Variants in CTCF observed in about 807,000 individuals in gnomAD.
The protein encoded by CTCF is transcriptional repressor CTCF.
Under a neutral mutation model 72.3 loss-of-function variants are expected in CTCF, and 7 were observed. The ratio of observed to expected loss-of-function variants is 0.10; its 90% CI spans 0.06 to 0.18. CTCF has a LOEUF of 0.18. Ranked by LOEUF, CTCF falls within the 10% of genes least tolerant of loss-of-function variation. The pLI is 1.00. For synonymous variants in CTCF, 374 were observed against 315.8 expected (o/e 1.18, Z -1.95); for missense variants, 516 against 949.1 (o/e 0.54, Z 6.00).
rs60181073 is a variant in CTCF, at chr16:67,582,210, C to CAAAAAA, written c.-10+10958_-10+10963dup. 1.5e-4 allele frequency among the ~76,000 whole-genome samples: 14 copies of CAAAAAA among 96,136 alleles called. No homozygotes were observed. The South Asian group carries it at 1.8e-3, about 12-fold the overall frequency. 63.1% of individuals were successfully genotyped at this position (96,136 alleles called of 152,430 possible). ...TGGGCCACAGAGCAAGACTCCGTCTCAAAAAAAAAAAAAAAAATCTTCTGT... is the reference window on the plus strand; with the variant it reads ...TGGGCCACAGAGCAAGACTCCGTCTCAAAAAAAAAAAAAAAAAAAAAAATCTTCTGT... On this transcript the variant is annotated intron_variant, in intron 2 of 11. Coordinates refer to ENST00000264010, the MANE Select transcript of CTCF (RefSeq NM_006565.4).
intron 2 of CTCF, among the ~76,000 whole-genome samples, chr16:67,593,651 C>A (rs2051774759): frequency 6.6e-6 from 1 of 152,118 alleles, no homozygotes; most frequent in South Asian, 2.1e-4. Context: ...TGTGAAAGTT[C>A]ATGGGGTCTT....
intron 7 of CTCF, among the ~76,000 whole-genome samples, chr16:67,623,767 T>C (rs1278556628): frequency 6.7e-6 from 1 of 148,912 alleles, no homozygotes; most frequent in Admixed American, 6.7e-5. Context: ...AATAAAAATA[T>C]AGCCGGGCAC....
chr16:67,631,165 G>GTTTTTTTTTTTT (rs931210083), intron 10 of CTCF, among the ~76,000 whole-genome samples: 1 of 131,126 alleles, frequency 7.6e-6, no homozygotes, highest in African/African-American at 3.1e-5. Context: ...TTTTTTTTTT[G>GTTTTTTTTTTTT]TTTTTTGTTT....
intron 1 of CTCF, among the ~76,000 whole-genome samples, 167 bp downstream of exon 1, chr16:67,562,891 C>T (rs1259659021): frequency 2.0e-5 from 3 of 147,948 alleles, no homozygotes; most frequent in African/African-American, 7.3e-5. Context: ...TGCCCGTCGC[C>T]GCCGTGGCCC....
intron 2 of CTCF, among the ~76,000 whole-genome samples, chr16:67,571,849 A>G (rs191923123): frequency 1.3e-5 from 2 of 152,298 alleles, no homozygotes; most frequent in African/African-American, 2.4e-5. Context: ...AATTTTTGCT[A>G]TAAAATATAA....
intron 1 of CTCF, chr16:67,563,810 A>G (rs896817319): frequency 6.6e-5 from 10 of 152,248 alleles, no homozygotes; most frequent in African/African-American, 2.4e-4. Flanking sequence ...ACACTAACTT[A>G]GTACCTGATG....
intron 2 of CTCF, among the ~76,000 whole-genome samples, chr16:67,579,028 G>A (rs959297848): frequency 6.6e-6 from 1 of 151,566 alleles, no homozygotes; most frequent in Non-Finnish European, 1.5e-5. Context: ...GCCAAGGTGC[G>A]TGGATCACCT....
chr16:67,574,039 A>C (rs1224001163), intron 2 of CTCF, among the ~76,000 whole-genome samples: 1 of 151,948 alleles, frequency 6.6e-6, no homozygotes, highest in East Asian at 1.9e-4. Context: ...CAAAAAAAAA[A>C]AGACTTACGT....
intron 2 of CTCF, among the ~76,000 whole-genome samples, chr16:67,581,500 T>TTTTTA (rs1206246974): frequency 2.0e-5 from 3 of 151,816 alleles, no homozygotes; most frequent in African/African-American, 7.3e-5. Context: ...TTTTATTTTA[T>TTTTTA]TTTTATTTTA....
chr16:67,624,754 A>G (rs78085729), intron 7 of CTCF, among the ~76,000 whole-genome samples: 65 of 151,148 alleles, frequency 4.3e-4, no homozygotes, highest in African/African-American at 1.5e-3. Flanking sequence ...ATGACCAGCT[A>G]ATTTTTTTTT....
At chr16:67,578,495 G>A (rs1028508828) in intron 2 of CTCF, among the ~76,000 whole-genome samples, 9 of 151,692 alleles carry the variant, frequency 5.9e-5, no homozygotes, top group Non-Finnish European at 1.0e-4. Context: ...GCCATGCCCA[G>A]CGAATTTTTG....
intron 2 of CTCF, among the ~76,000 whole-genome samples, chr16:67,608,687 A>G (rs1361990452): frequency 1.3e-5 from 2 of 151,998 alleles, no homozygotes; most frequent in African/African-American, 4.8e-5. Context: ...CATGATAAAT[A>G]TTATCACCAA....
chr16:67,609,699 C>T (rs866946937), intron 2 of CTCF, among the ~76,000 whole-genome samples: 28 of 151,550 alleles, frequency 1.8e-4, no homozygotes, highest in Admixed American at 3.9e-4. Context: ...TCTTGGCTCA[C>T]TGCAAGCTCC....
In CTCF at chr16:67,601,252, G is replaced by T. The variant is rs945351668; in HGVS notation, c.-9-9572G>T. Among the ~76,000 whole-genome samples the T allele has an allele frequency of 6.3e-4, 86 of 137,032 alleles. 1 individual carries two copies. In the Middle Eastern group the frequency reaches 0.011, roughly 17 times the overall value. The allele number at this position is 137,032 out of a possible 152,430, so 89.9% of individuals were successfully genotyped here. A position where few individuals can be genotyped will look rare whatever the true frequency, so the allele number is the denominator to read the frequency against. ...TGTGTGTGTGTGTGTGTGTGTGTGT[G>T]TGTTTTGTTTTGTTTTTTAAGACAG... On this transcript the variant is annotated intron_variant, in intron 2 of 11. Transcript: ENST00000264010.
chr16:67,590,384 T>A (rs985626360), intron 2 of CTCF, among the ~76,000 whole-genome samples: 3 of 152,128 alleles, frequency 2.0e-5, no homozygotes, highest in Non-Finnish European at 4.4e-5. Flanking sequence ...GAGGGGAGAT[T>A]GTTAACAAAA....
At chr16:67,566,751 T>C (rs2051348218) in intron 1 of CTCF, among the ~76,000 whole-genome samples, 1 of 151,728 alleles carries the variant, frequency 6.6e-6, no homozygotes, top group Non-Finnish European at 1.5e-5. Flanking sequence ...GGCTAATTTT[T>C]TGTATTTTTA....
intron 2 of CTCF, among the ~76,000 whole-genome samples, chr16:67,595,229 C>T (rs2051795879): frequency 6.6e-6 from 1 of 152,136 alleles, no homozygotes; most frequent in Non-Finnish European, 1.5e-5. Flanking sequence ...CCCACCCTTC[C>T]TTTGACTCAC....
intron 5 of CTCF, among the ~76,000 whole-genome samples, chr16:67,618,398 C>T (rs1410971330): frequency 1.3e-5 from 2 of 152,054 alleles, no homozygotes; most frequent in African/African-American, 2.4e-5. Context: ...GAGACTCCCC[C>T]TCAAAAAAAT....
At chr16:67,564,915 C>T (rs1336617983) in intron 1 of CTCF, among the ~76,000 whole-genome samples, 1 of 152,068 alleles carries the variant, frequency 6.6e-6, no homozygotes, top group Non-Finnish European at 1.5e-5. Flanking sequence ...TCCCATATGC[C>T]AGGAATCATG....
Sources: gnomAD v4.1 joint callset for allele counts (sites outside exome capture counted in the v4.1 genomes callset) on GRCh38, gnomAD v4.1.1 for gene constraint, MANE v1.5 for transcripts, NCBI Gene and HGNC (gene_info 2026-07-23, HGNC 2026-07-21) for gene names.